APOE: variants seen among roughly 807,000 people sequenced by gnomAD.
APOE encodes the protein apolipoprotein E3.
APOE carries 10 observed loss-of-function variants against 13.1 expected under a neutral mutation model. The observed-to-expected ratio is 0.76, with a 90% CI of 0.47 to 1.29. The LOEUF (loss-of-function observed/expected upper bound fraction) is 1.29, where lower values mean the gene tolerates loss of function less well. Among genes scored for constraint, APOE ranks in the 50% most tolerant of loss-of-function variants. APOE has a pLI of 0.00. For synonymous variants in APOE, 211 were observed against 207.1 expected, an observed-to-expected ratio of 1.02 and a Z score of -0.16; for missense variants, 471 against 459.6, an observed-to-expected ratio of 1.02 and a Z score of -0.23.
intron 3 of APOE, among the ~76,000 whole-genome samples, chr19:44,908,178 C>T (rs1194512278): frequency 6.6e-6 from 1 of 152,154 alleles, no homozygotes; most frequent in African/African-American, 2.4e-5. Flanking sequence ...CTCGTCCTGG[C>T]TCTGTCTCTG....
Position 44,909,217 on chromosome 19 carries a change from C to G in APOE, c.921C>G (p.Thr307=). 1 of 1,596,846 alleles carries G rather than the reference C, an allele frequency of 6.3e-7. No individual in the cohort carries two copies. Among genetic ancestry groups the G allele is most frequent in the Non-Finnish European group, 8.5e-7 (1 of 1,179,012 alleles). ...LVEKVQAAVG[T]SAAPVPSDNH Reference sequence around the variant, plus strand: ...AGAAGGTGCAGGCTGCCGTGGGCACCAGCGCCGCCCCTGTGCCCAGCGACA... The same window carrying G: ...AGAAGGTGCAGGCTGCCGTGGGCACGAGCGCCGCCCCTGTGCCCAGCGACA... The change falls in exon 4 of 4, where the codon ACC becomes ACG. Residue 307 remains threonine (T), a synonymous_variant. Transcript: ENST00000252486.
chr19:44,906,721 C>T (rs1037144447), intron 2 of APOE, 54 bp downstream of exon 2: 3 of 1,571,398 alleles, frequency 1.9e-6, no homozygotes, highest in East Asian at 4.5e-5. Context: ...CTCATCCTCA[C>T]CTCAACCTCC....
Position 44,908,602 on chromosome 19 carries a change from G to C in APOE, c.306G>C (p.Pro102=), listed in dbSNP as rs368495194. 1 of 1,612,746 alleles carries C rather than the reference G, an allele frequency of 6.2e-7. No individual in the cohort carries two copies. Among genetic ancestry groups the C allele is most frequent in the Non-Finnish European group, 8.5e-7 (1 of 1,179,312 alleles). Residue 102 remains proline (P), a synonymous_variant, in exon 4 of 4, where the codon CCG becomes CCC. Transcript: ENST00000252486. ...YKSELEEQLT[P]VAEETRARLS... ...CGGAACTGGAGGAACAACTGACCCC[G>C]GTGGCGGAGGAGACGCGGGCACGGC... is the stretch of plus-strand genomic sequence containing the variant.
In APOE at chr19:44,905,850, C is replaced by G; in HGVS notation, c.-24+9C>G. On this transcript the variant is annotated intron_variant, in intron 1 of 3. Coordinates refer to ENST00000252486, the MANE Select transcript of APOE (RefSeq NM_000041.4). Reference sequence around the variant, plus strand: ...TCCTTCCCCAGGAGCCGGTGAGAAGCGCAGTCGGGGGCACGGGGATGAGCT... The same window carrying G: ...TCCTTCCCCAGGAGCCGGTGAGAAGGGCAGTCGGGGGCACGGGGATGAGCT... 7.7e-7 allele frequency: 1 copy of G among 1,294,728 alleles called. No individual in the cohort carries two copies. Among genetic ancestry groups the G allele is most frequent in the Non-Finnish European group, 1.0e-6 (1 of 985,390 alleles). The allele number at this position is 1,294,728 out of a possible 1,614,324, so 80.2% of individuals were successfully genotyped here. A position where few individuals can be genotyped will look rare whatever the true frequency, so the allele number is the denominator to read the frequency against.
chr19:44,908,794 C>A lies in APOE; in HGVS notation c.498C>A (p.Leu166=). The A allele has an allele frequency of 6.4e-7, 1 of 1,553,102 alleles. No homozygotes were observed. The highest frequency in any genetic ancestry group is 8.7e-7 in the Non-Finnish European group (1 of 1,152,802). The change falls in exon 4 of 4, where the codon CTC becomes CTA. Residue 166 remains leucine (L), a synonymous_variant. Transcript: ENST00000252486. Reference sequence around the variant, plus strand: ...ACCTGCGCAAGCTGCGTAAGCGGCTCCTCCGCGATGCCGATGACCTGCAGA... The same window carrying A: ...ACCTGCGCAAGCTGCGTAAGCGGCTACTCCGCGATGCCGATGACCTGCAGA... The part of the protein sequence containing the change: ...ASHLRKLRKR[L]LRDADDLQKR...
In APOE at chr19:44,907,433, C is replaced by T; in HGVS notation, c.44-327C>T. 2 of 372,574 alleles carry T rather than the reference C, an allele frequency of 5.4e-6. No individual in the cohort carries two copies. The highest frequency in any genetic ancestry group is 8.9e-4 in the Middle Eastern group (1 of 1,126). 23.1% of individuals were successfully genotyped at this position (372,574 alleles called of 1,614,324 possible). A position where few individuals can be genotyped will look rare whatever the true frequency, so the allele number is the denominator to read the frequency against. On this transcript the variant is annotated intron_variant, in intron 2 of 3. Coordinates refer to ENST00000252486, the MANE Select transcript of APOE (RefSeq NM_000041.4). This position sits in a 1 kb window ranked among gnomAD's most constrained non-coding sequence, Gnocchi z 4.1. ...GCAACATAGTGAGACCCTGTCTCTA[C>T]TAAAAATACAAAAATTAGCCAGGCA...
chr19:44,906,378 A>G lies in APOE; in HGVS notation c.-23-224A>G, dbSNP rs555877419. ...TTGAACCCCGGGAGAGGAAGATGGAATTTTCTATGGAGGCCGACCTGGGGA... is the reference window on the plus strand; with the variant it reads ...TTGAACCCCGGGAGAGGAAGATGGAGTTTTCTATGGAGGCCGACCTGGGGA... On this transcript the variant is annotated intron_variant, in intron 1 of 3. Transcript: ENST00000252486. The G allele has an allele frequency of 2.3e-4, 131 of 577,328 alleles. 1 individual carries two copies. The highest frequency in any genetic ancestry group is 1.4e-3 in the South Asian group (69 of 50,804). The allele number at this position is 577,328 out of a possible 1,614,324, so 35.8% of individuals were successfully genotyped here. A position where few individuals can be genotyped will look rare whatever the true frequency, so the allele number is the denominator to read the frequency against.
At chr19:44,908,119 C>T (rs868639606) in intron 3 of APOE, among the ~76,000 whole-genome samples, 167 bp downstream of exon 3, 1 of 152,148 alleles carries the variant, frequency 6.6e-6, no homozygotes, top group Non-Finnish European at 1.5e-5. Context: ...CTGGAATTCT[C>T]TCTCTCAGCT....
chr19:44,907,633 C>A lies in APOE; in HGVS notation c.44-127C>A. ...TGCTTTCCAAGTGATTAAACCGACTCCCCCCTCACCCTGCCCACCATGGCT... is the reference window on the plus strand; with the variant it reads ...TGCTTTCCAAGTGATTAAACCGACTACCCCCTCACCCTGCCCACCATGGCT... On this transcript the variant is annotated intron_variant, in intron 2 of 3. Coordinates refer to ENST00000252486, the MANE Select transcript of APOE (RefSeq NM_000041.4). This position sits in a 1 kb window ranked among gnomAD's most constrained non-coding sequence, Gnocchi z 4.1. The A allele has an allele frequency of 1.3e-6, 1 of 795,428 alleles. No individual in the cohort carries two copies. Among genetic ancestry groups the A allele is most frequent in the South Asian group, 1.5e-5 (1 of 68,308 alleles). 49.3% of individuals were successfully genotyped at this position (795,428 alleles called of 1,614,324 possible).
rs753798476 is a variant in APOE at position 44,908,700 on chromosome 19, A to T, written c.404A>T (p.Gln135Leu). The change falls in exon 4 of 4, where the codon CAG (glutamine) becomes CTG (leucine). Residue 135 changes from glutamine to leucine, a missense_variant. Physicochemically the swap from Gln to Leu is moderately radical, Grantham distance 113. Transcript: ENST00000252486. The stretch of plus-strand genomic sequence containing the variant: ...GAGGACGTGTGCGGCCGCCTGGTGC[A>T]GTACCGCGGCGAGGTGCAGGCCATG... The part of the protein sequence containing the change: ...DMEDVCGRLV[Q>L]YRGEVQAMLG... 6.4e-7 allele frequency: 1 copy of T among 1,562,050 alleles called. No homozygotes were observed. Among genetic ancestry groups the T allele is most frequent in the Non-Finnish European group, 8.7e-7 (1 of 1,153,802 alleles).
chr19:44,908,691 G>A lies in APOE; in HGVS notation c.395G>A (p.Arg132His), dbSNP rs1263042140. 1.3e-6 allele frequency: 2 copies of A among 1,565,618 alleles called. No homozygotes were observed. Among genetic ancestry groups the A allele is most frequent in the Non-Finnish European group, 1.7e-6 (2 of 1,155,740 alleles). The stretch of plus-strand genomic sequence containing the variant: ...GCGGACATGGAGGACGTGTGCGGCC[G>A]CCTGGTGCAGTACCGCGGCGAGGTG... Reference protein sequence around the residue: ...LGADMEDVCGRLVQYRGEVQA... With the variant: ...LGADMEDVCGHLVQYRGEVQA... Residue 132 changes from arginine to histidine, a missense_variant, in exon 4 of 4, where the codon CGC becomes CAC. By Grantham distance (29) the Arg-to-His change is conservative. Transcript: ENST00000252486.
At position 44,909,289 on chromosome 19, in the gene APOE, G is replaced by GTGCCTCC. The variant is rs755219928; in HGVS notation, c.*47_*53dup. ...CAGCCATGCGACCCCACGCCACCCCGTGCCTCCTGCCTCCGCGCAGCCTGC... is the reference window on the plus strand; with the variant it reads ...CAGCCATGCGACCCCACGCCACCCCGTGCCTCCTGCCTCCTGCCTCCGCGCAGCCTGC... On this transcript the variant is annotated 3_prime_UTR_variant, in exon 4 of 4. Transcript: ENST00000252486. The GTGCCTCC allele has an allele frequency of 1.9e-6, 3 of 1,577,000 alleles. No individual in the cohort carries two copies. Among genetic ancestry groups the GTGCCTCC allele is most frequent in the East Asian group, 4.5e-5 (2 of 44,740 alleles).
At chr19:44,906,762 T>G in intron 2 of APOE, 95 bp downstream of exon 2, 1 of 1,266,146 alleles carries the variant, frequency 7.9e-7, no homozygotes. Context: ...CTGGGCCCCC[T>G]CTTCTGAGGC....
chr19:44,908,934 T>G lies in APOE; in HGVS notation c.638T>G (p.Val213Gly), dbSNP rs1227709957. 17 of 1,502,522 alleles carry G rather than the reference T, an allele frequency of 1.1e-5. 1 individual carries two copies. The Admixed American group carries it at 3.4e-4, about 30-fold the overall frequency. The allele number at this position is 1,502,522 out of a possible 1,614,324, so 93.1% of individuals were successfully genotyped here. The change falls in exon 4 of 4, where the codon GTG (valine) becomes GGG (glycine). Residue 213 changes from valine to glycine, a missense_variant. Physicochemically the swap from Val to Gly is moderately radical, Grantham distance 109 (BLOSUM62 -3). Coordinates refer to ENST00000252486, the MANE Select transcript of APOE (RefSeq NM_000041.4). The stretch of plus-strand genomic sequence containing the variant: ...CAGGGCCGCGTGCGGGCCGCCACTG[T>G]GGGCTCCCTGGCCGGCCAGCCGCTA... ...VEQGRVRAATVGSLAGQPLQE... is the reference protein window; with the variant it reads ...VEQGRVRAATGGSLAGQPLQE...
rs775113061 is a variant in APOE, at chr19:44,909,249, G to C, written c.953G>C (p.Ter318SerextTer38). Residue 318 changes from the stop codon to serine, a stop_lost, in exon 4 of 4, where the codon TGA (stop) becomes TCA (serine). Coordinates refer to ENST00000252486, the MANE Select transcript of APOE (RefSeq NM_000041.4). ...GCCCCTGTGCCCAGCGACAATCACT[G>C]AACGCCGAAGCCTGCAGCCATGCGA... is the stretch of plus-strand genomic sequence containing the variant. ...SAAPVPSDNH[*>S] 1 of 1,596,332 alleles carries C rather than the reference G, an allele frequency of 6.3e-7. No individual in the cohort carries two copies. Among genetic ancestry groups the C allele is most frequent in the Non-Finnish European group, 8.5e-7 (1 of 1,179,226 alleles).
intron 1 of APOE, 190 bp downstream of exon 1, chr19:44,906,031 C>A: frequency 1.3e-6 from 1 of 784,372 alleles, no homozygotes; most frequent in Non-Finnish European, 1.8e-6. Context: ...AGAGACGACC[C>A]GACCCGCTAG....
chr19:44,906,338 G>C (rs147236548), intron 1 of APOE: 3 of 555,368 alleles, frequency 5.4e-6, no homozygotes, highest in Non-Finnish European at 9.8e-6. Context: ...TGGGGAGGGG[G>C]TGGGGGGATG....
rs1049071416 is a variant in APOE, at chr19:44,907,009, T to C, written c.43+342T>C. ...CATTCTCCTGCCTCAGCCTCCCAAG[T>C]AGCTGGGACTACAGGCACATGCCAC... is the stretch of plus-strand genomic sequence containing the variant. On this transcript the variant is annotated intron_variant, in intron 2 of 3. Transcript: ENST00000252486. This position sits in a 1 kb window ranked among gnomAD's most constrained non-coding sequence, Gnocchi z 4.1. 1 of 338,352 alleles carries C rather than the reference T, an allele frequency of 3.0e-6. No individual in the cohort carries two copies. The highest frequency in any genetic ancestry group is 2.1e-5 in the African/African-American group (1 of 47,314). 21.0% of individuals were successfully genotyped at this position (338,352 alleles called of 1,614,324 possible).
chr19:44,909,041 G>T lies in APOE; in HGVS notation c.745G>T (p.Glu249Ter), dbSNP rs762906934. The change falls in exon 4 of 4, where the codon GAG becomes TAG. Residue 249 changes from glutamate to a stop codon, truncating the protein, a stop_gained. Coordinates refer to ENST00000252486, the MANE Select transcript of APOE (RefSeq NM_000041.4). LOFTEE classifies it high-confidence loss of function. The stretch of plus-strand genomic sequence containing the variant: ...CAGCCGGACCCGCGACCGCCTGGAC[G>T]AGGTGAAGGAGCAGGTGGCGGAGGT... ...MGSRTRDRLD[E>*]VKEQVAEVRA... is the part of the protein sequence containing the mutation. 1 of 1,552,696 alleles carries T rather than the reference G, an allele frequency of 6.4e-7. No homozygotes were observed. The highest frequency in any genetic ancestry group is 8.7e-7 in the Non-Finnish European group (1 of 1,154,710).
Sources: gnomAD v4.1 joint callset for allele counts (sites outside exome capture counted in the v4.1 genomes callset) on GRCh38, gnomAD v4.1.1 for gene constraint, Gnocchi (gnomAD v3.1) non-coding constraint, MANE v1.5 for transcripts, NCBI Gene and HGNC (gene_info 2026-07-23, HGNC 2026-07-21) for gene names.